The following DYM variants were observed in gnomAD, a reference collection of about 807,000 sequenced individuals.
DYM encodes the protein dymeclin, also known as dyggve-Melchior-Clausen syndrome protein.
In DYM, 78 loss-of-function variants were observed where a neutral mutation model predicts 93.1. That is an observed-to-expected ratio of 0.84 (90% CI 0.70 to 1.01). The LOEUF is 1.01. DYM is among the 50% of genes least tolerant of loss of function. The probability of loss-of-function intolerance (pLI) is 0.00; values close to 1 mark genes in which losing one functional copy is unlikely to be tolerated. For missense variants in DYM, 789 were observed against 845.0 expected, an observed-to-expected ratio of 0.93 and a Z score of 0.82; for synonymous variants, 321 against 319.7, an observed-to-expected ratio of 1.00 and a Z score of -0.04.
intron 2 of DYM, among the ~76,000 whole-genome samples, chr18:49,405,338 G>C (rs2071351674): frequency 6.6e-6 from 1 of 152,134 alleles, no homozygotes; most frequent in Non-Finnish European, 1.5e-5. Flanking sequence ...GTCCAGAATG[G>C]TGTTTCCTAG....
chr18:49,095,241 A>T (rs756428330), intron 17 of DYM, among the ~76,000 whole-genome samples: 4 of 152,164 alleles, frequency 2.6e-5, no homozygotes, highest in African/African-American at 7.2e-5. Flanking sequence ...TAGAGATTTT[A>T]AGTGACTCAT....
chr18:49,397,143 G>A (rs905880566), intron 2 of DYM, among the ~76,000 whole-genome samples: 8 of 152,088 alleles, frequency 5.3e-5, no homozygotes, highest in African/African-American at 1.9e-4. Flanking sequence ...AATGTATAAT[G>A]CATCGAAACA....
chr18:49,397,779 A>G (rs2070294579), intron 2 of DYM, among the ~76,000 whole-genome samples: 1 of 152,202 alleles, frequency 6.6e-6, no homozygotes, highest in Admixed American at 6.5e-5. Context: ...AATACACACC[A>G]TATTTCAAAG....
chr18:49,284,159 G>A (rs2095061168), intron 9 of DYM, among the ~76,000 whole-genome samples: 1 of 151,928 alleles, frequency 6.6e-6, no homozygotes, highest in South Asian at 2.1e-4. Flanking sequence ...GACTGCAAAG[G>A]GAATATGTGG....
chr18:49,178,686 A>G (rs564612340), intron 14 of DYM, among the ~76,000 whole-genome samples: 1 of 152,288 alleles, frequency 6.6e-6, no homozygotes, highest in South Asian at 2.1e-4. Context: ...AACAATAGAG[A>G]AAATAAACGA....
At chr18:49,454,907 CAAAAAA>C (rs35671085) in intron 1 of DYM, among the ~76,000 whole-genome samples, 5 of 73,226 alleles carry the variant, frequency 6.8e-5, no homozygotes, top group Admixed American at 3.4e-4. Flanking sequence ...GACTCTGTCT[CAAAAAA>C]AAAAAAAAAA....
chr18:49,375,237 C>T (rs2147614180), intron 5 of DYM, among the ~76,000 whole-genome samples: 1 of 138,720 alleles, frequency 7.2e-6, no homozygotes, highest in Admixed American at 7.1e-5. Flanking sequence ...CACATCTATA[C>T]CTACCTTGGG....
At chr18:49,239,477 T>C (rs537312809) in intron 13 of DYM, among the ~76,000 whole-genome samples, 34 of 152,330 alleles carry the variant, frequency 2.2e-4, no homozygotes, top group Admixed American at 1.3e-3. Context: ...TCTTTCCTCT[T>C]GAATCTGGGC....
At chr18:49,174,498 T>C (rs2089159946) in intron 14 of DYM, among the ~76,000 whole-genome samples, 1 of 152,132 alleles carries the variant, frequency 6.6e-6, no homozygotes, top group South Asian at 2.1e-4. Flanking sequence ...ATCTCTTATA[T>C]GGAGATTTAT....
intron 2 of DYM, among the ~76,000 whole-genome samples, chr18:49,415,024 TCC>T (rs1305863519): frequency 1.3e-5 from 2 of 151,976 alleles, no homozygotes; most frequent in Non-Finnish European, 2.9e-5. Context: ...TCTTTCTGTC[TCC>T]CAGGCTGGAG....
chr18:49,241,004 T>C (rs1472960024), intron 13 of DYM, among the ~76,000 whole-genome samples: 2 of 152,216 alleles, frequency 1.3e-5, no homozygotes, highest in African/African-American at 4.8e-5. Context: ...TAGGCACCAC[T>C]TGATTTATGC....
intron 13 of DYM, among the ~76,000 whole-genome samples, chr18:49,243,872 G>A (rs940623660): frequency 3.3e-5 from 5 of 152,098 alleles, no homozygotes; most frequent in African/African-American, 1.2e-4. Flanking sequence ...AGTTATGACA[G>A]AGTTGTATAT....
intron 12 of DYM, among the ~76,000 whole-genome samples, chr18:49,258,156 T>C (rs911839353): frequency 2.6e-5 from 4 of 152,216 alleles, no homozygotes; most frequent in Non-Finnish European, 4.4e-5. Context: ...ATGTTTTGCA[T>C]TGCTTGTTTT....
intron 17 of DYM, among the ~76,000 whole-genome samples, chr18:49,046,736 CA>C (rs1276363719): frequency 6.6e-6 from 1 of 151,990 alleles, no homozygotes; most frequent in Non-Finnish European, 1.5e-5. Flanking sequence ...CCTATCTTTA[CA>C]AAAAATTTAA....
chr18:49,451,033 G>A (rs1434035006), intron 1 of DYM, among the ~76,000 whole-genome samples: 7 of 152,118 alleles, frequency 4.6e-5, no homozygotes, highest in Non-Finnish European at 1.0e-4. Context: ...AACAAGAATT[G>A]ACTAAATGGA....
At chr18:49,081,913 T>C (rs978177717) in intron 17 of DYM, among the ~76,000 whole-genome samples, 1 of 152,214 alleles carries the variant, frequency 6.6e-6, no homozygotes, top group Non-Finnish European at 1.5e-5. Flanking sequence ...GTTTGTTATT[T>C]TCCATCCTCC....
intron 1 of DYM, among the ~76,000 whole-genome samples, chr18:49,434,967 G>C (rs1201441380): frequency 6.6e-6 from 1 of 152,064 alleles, no homozygotes; most frequent in African/African-American, 2.4e-5. Flanking sequence ...CAGCACTTTA[G>C]GAAGCCAAGG....
chr18:49,143,280 G>T (rs1227473374), intron 15 of DYM, among the ~76,000 whole-genome samples: 3 of 152,248 alleles, frequency 2.0e-5, no homozygotes, highest in South Asian at 2.1e-4. Flanking sequence ...GACTTGCAGT[G>T]TAAGTTTATT....
rs1013808588 is a variant in DYM, at chr18:49,089,012, G to T, written c.2025+8390C>A. Among the ~76,000 whole-genome samples, 12 of 152,052 alleles carry T rather than the reference G, an allele frequency of 7.9e-5. No individual in the cohort carries two copies. The South Asian group carries it at 2.1e-3, about 26-fold the overall frequency. ...GAGGTCTTGTTATGTTTTCCAGGCT[G>T]GTCTCAAACTCCTGAGATCAAGTGA... On this transcript the variant is annotated intron_variant, in intron 17 of 17. Transcript: ENST00000675505.
Sources: gnomAD v4.1 joint callset for allele counts (sites outside exome capture counted in the v4.1 genomes callset) on GRCh38, gnomAD v4.1.1 for gene constraint, MANE v1.5 for transcripts, NCBI Gene and HGNC (gene_info 2026-07-23, HGNC 2026-07-21) for gene names.